The following GPC5 variants were observed in gnomAD, a reference collection of about 807,000 sequenced individuals.
GPC5 encodes the protein glypican-5.
A neutral mutation model predicts 53.9 loss-of-function variants in GPC5; 47 were observed. That is an observed-to-expected ratio of 0.87 (90% CI 0.69 to 1.11). The LOEUF (loss-of-function observed/expected upper bound fraction) is 1.11, where lower values mean the gene tolerates loss of function less well. Ranked by LOEUF, GPC5 falls within the 50% of genes most tolerant of loss-of-function variation. GPC5 has a pLI of 0.00. For missense variants in GPC5, 748 were observed against 713.1 expected (o/e 1.05, Z -0.56); for synonymous variants, 286 against 263.3 (o/e 1.09, Z -0.84).
At chr13:92,773,096 AT>A (rs1875671519) in intron 7 of GPC5, among the ~76,000 whole-genome samples, 2 of 152,142 alleles carry the variant, frequency 1.3e-5, no homozygotes, top group Non-Finnish European at 2.9e-5. Flanking sequence ...CTTCATTGTA[AT>A]ACCCTTCCTG....
chr13:91,640,375 A>G (rs540072816), intron 2 of GPC5, among the ~76,000 whole-genome samples: 1 of 152,356 alleles, frequency 6.6e-6, no homozygotes, highest in African/African-American at 2.4e-5. Context: ...GAAACATGAT[A>G]AAAGCTCAAC....
At chr13:91,529,708 T>TATAAA (rs1886249151) in intron 2 of GPC5, among the ~76,000 whole-genome samples, 2 of 152,334 alleles carry the variant, frequency 1.3e-5, no homozygotes, top group South Asian at 4.1e-4. Context: ...AAATGTATTC[T>TATAAA]TTATTCTGCT....
At chr13:92,162,532 G>T (rs1186853713) in intron 7 of GPC5, among the ~76,000 whole-genome samples, 6 of 152,196 alleles carry the variant, frequency 3.9e-5, no homozygotes, top group Non-Finnish European at 8.8e-5. Flanking sequence ...GACACCTGAA[G>T]AAGCAGTTAT....
chr13:92,149,466 T>C (rs1359334836), intron 7 of GPC5, among the ~76,000 whole-genome samples: 1 of 152,014 alleles, frequency 6.6e-6, no homozygotes, highest in Non-Finnish European at 1.5e-5. Context: ...GAATTTTTGG[T>C]TGATTAGAGT....
chr13:91,472,028 C>G (rs1259497653), intron 2 of GPC5, among the ~76,000 whole-genome samples: 3 of 152,096 alleles, frequency 2.0e-5, no homozygotes, highest in Non-Finnish European at 4.4e-5. Context: ...CCTCTATAAT[C>G]TCTATTATAT....
chr13:91,834,508 A>G (rs2038700634), intron 5 of GPC5, among the ~76,000 whole-genome samples: 1 of 152,188 alleles, frequency 6.6e-6, no homozygotes, highest in Non-Finnish European at 1.5e-5. Flanking sequence ...CTACAAAGCT[A>G]CAGTAACCAA....
At chr13:92,374,370 T>C (rs940301749) in intron 7 of GPC5, among the ~76,000 whole-genome samples, 16 of 152,126 alleles carry the variant, frequency 1.1e-4, no homozygotes, top group African/African-American at 3.6e-4. Flanking sequence ...CTGATTTCTG[T>C]AATGTAAATA....
chr13:92,277,551 G>T (rs563820330), intron 7 of GPC5, among the ~76,000 whole-genome samples: 47 of 152,126 alleles, frequency 3.1e-4, no homozygotes, highest in African/African-American at 1.0e-3. Context: ...TATGTAAATT[G>T]ATGATGCATT....
At chr13:92,228,292 T>G (rs2042503798) in intron 7 of GPC5, among the ~76,000 whole-genome samples, 1 of 151,970 alleles carries the variant, frequency 6.6e-6, no homozygotes, top group African/African-American at 2.4e-5. Context: ...AAACCAATAC[T>G]TATATAAAAC....
At chr13:92,245,437 T>C (rs1454806686) in intron 7 of GPC5, among the ~76,000 whole-genome samples, 1 of 152,188 alleles carries the variant, frequency 6.6e-6, no homozygotes, top group Non-Finnish European at 1.5e-5. Context: ...GTTCGAAAAG[T>C]AAAAAATTAA....
chr13:92,204,967 C>T (rs2042322829), intron 7 of GPC5, among the ~76,000 whole-genome samples: 1 of 152,048 alleles, frequency 6.6e-6, no homozygotes, highest in African/African-American at 2.4e-5. Context: ...CAATCTCCGC[C>T]TCCTGGGTTC....
chr13:92,192,726 G>T (rs565791233), intron 7 of GPC5, among the ~76,000 whole-genome samples: 1 of 152,222 alleles, frequency 6.6e-6, no homozygotes, highest in Admixed American at 6.5e-5. Flanking sequence ...TTATGTCTAT[G>T]CCCACGTATG....
At chr13:92,527,172 GAGA>G (rs1566276780) in intron 7 of GPC5, among the ~76,000 whole-genome samples, 26 of 60,880 alleles carry the variant, frequency 4.3e-4, no homozygotes, top group Admixed American at 7.4e-4. Context: ...AAGAAAGAAA[GAGA>G]AAGAAAGAAG....
intron 5 of GPC5, among the ~76,000 whole-genome samples, chr13:91,892,268 T>G (rs919409150): frequency 6.6e-6 from 1 of 151,946 alleles, no homozygotes; most frequent in African/African-American, 2.4e-5. Flanking sequence ...AAATGTATTC[T>G]CTTTTCTTTT....
chr13:91,906,799 C>T lies in GPC5; in HGVS notation c.1281-1138C>T, dbSNP rs568703027. Among the ~76,000 whole-genome samples, 19 of 151,890 alleles carry T rather than the reference C, an allele frequency of 1.3e-4. No individual in the cohort carries two copies. In the South Asian group the frequency reaches 1.5e-3, roughly 12 times the overall value. Reference sequence around the variant, plus strand: ...TGAAATTTCAAATGGCTTTCACCACCGGTGAAATGACCCTTTTACATACGA... The same window carrying T: ...TGAAATTTCAAATGGCTTTCACCACTGGTGAAATGACCCTTTTACATACGA... On this transcript the variant is annotated intron_variant, in intron 5 of 7. Coordinates refer to ENST00000377067, the MANE Select transcript of GPC5 (RefSeq NM_004466.6).
chr13:92,810,555 T>C (rs1779286746), intron 7 of GPC5, among the ~76,000 whole-genome samples: 1 of 151,812 alleles, frequency 6.6e-6, no homozygotes, highest in Non-Finnish European at 1.5e-5. Flanking sequence ...TTTTTTACTG[T>C]CCCAAACAAG....
chr13:92,832,553 C>G (rs1318520844), intron 7 of GPC5, among the ~76,000 whole-genome samples: 1 of 152,162 alleles, frequency 6.6e-6, no homozygotes, highest in East Asian at 1.9e-4. Flanking sequence ...TCTTAATGTA[C>G]TCATTATCAC....
intron 3 of GPC5, among the ~76,000 whole-genome samples, chr13:91,720,846 T>C (rs570333169): frequency 1.3e-5 from 2 of 152,172 alleles, no homozygotes; most frequent in Non-Finnish European, 2.9e-5. Flanking sequence ...TCACTTGCTA[T>C]GTTTAATCCA....
intron 6 of GPC5, among the ~76,000 whole-genome samples, chr13:92,122,421 C>G (rs755415216): frequency 4.0e-5 from 6 of 151,852 alleles, no homozygotes; most frequent in Admixed American, 3.9e-4. Context: ...GGTGTGAACA[C>G]GTAGCTCCGA....
Sources: gnomAD v4.1 joint callset for allele counts (sites outside exome capture counted in the v4.1 genomes callset) on GRCh38, gnomAD v4.1.1 for gene constraint, MANE v1.5 for transcripts, NCBI Gene and HGNC (gene_info 2026-07-23, HGNC 2026-07-21) for gene names.